ADAMTS9: variants seen among roughly 807,000 people sequenced by gnomAD.
ADAMTS9 encodes ADAM metallopeptidase with thrombospondin type 1 motif 9, also known as A disintegrin and metalloproteinase with thrombospondin motifs 9.
Under a neutral mutation model 257.1 loss-of-function variants are expected in ADAMTS9, and 107 were observed. That is an observed-to-expected ratio of 0.42 (90% CI 0.36 to 0.49). ADAMTS9 has a LOEUF of 0.49. Ranked by LOEUF, ADAMTS9 falls within the 20% of genes least tolerant of loss-of-function variation. The pLI, the probability that ADAMTS9 is intolerant of heterozygous loss-of-function variation, is 0.03. For missense variants in ADAMTS9, 2,353 were observed against 2,469.1 expected (o/e 0.95, Z 1.00); for synonymous variants, 982 against 880.9 (o/e 1.11, Z -2.03).
chr3:64,548,699 A>G (rs2083233129), intron 31 of ADAMTS9, among the ~76,000 whole-genome samples: 1 of 152,184 alleles, frequency 6.6e-6, no homozygotes, highest in Non-Finnish European at 1.5e-5. Flanking sequence ...AGAAGCTGGC[A>G]AGAACAGATG....
intron 39 of ADAMTS9, among the ~76,000 whole-genome samples, chr3:64,520,083 G>A (rs2082830352): frequency 6.6e-6 from 1 of 152,052 alleles, no homozygotes; most frequent in African/African-American, 2.4e-5. Flanking sequence ...CCTGAAAAAT[G>A]ACTTCAGTAA....
rs2083426911 is a variant in ADAMTS9 at position 64,561,719 on chromosome 3, C to G, written c.4557G>C (p.Gln1519His). 6.2e-7 allele frequency: 1 copy of G among 1,610,452 alleles called. No homozygotes were observed. The change falls in exon 30 of 40, where the codon CAG (glutamine) becomes CAC (histidine). Residue 1519 changes from glutamine (Q) to histidine (H), a missense_variant. Coordinates refer to ENST00000498707, the MANE Select transcript of ADAMTS9 (RefSeq NM_182920.2). ...TTCCGATCTGACAGCCCACATGCCT[C>G]TGCTGTACGCCTCGGCCACAGGACA... is the stretch of plus-strand genomic sequence containing the variant. ...CSVSCGRGVQ[Q>H]RHVGCQIGTH...
In ADAMTS9 at chr3:64,687,904, A is replaced by C. The variant is rs1701963714; in HGVS notation, c.-247T>G. ...GAGGAGCCGGAGGAGCAGGAGGAGG[A>C]GGAGGACTGGGGCTCGGCTGCTTGG... is the stretch of plus-strand genomic sequence containing the variant. On this transcript the variant is annotated 5_prime_UTR_variant, in exon 1 of 40. Coordinates refer to ENST00000498707, the MANE Select transcript of ADAMTS9 (RefSeq NM_182920.2). This position sits in a 1 kb window ranked among gnomAD's most constrained non-coding sequence, Gnocchi z 4.4. 2.7e-6 allele frequency: 1 copy of C among 376,520 alleles called. No homozygotes were observed. Among genetic ancestry groups the C allele is most frequent in the African/African-American group, 2.1e-5 (1 of 47,048 alleles). 23.3% of individuals were successfully genotyped at this position (376,520 alleles called of 1,614,324 possible).
intron 3 of ADAMTS9, among the ~76,000 whole-genome samples, chr3:64,675,027 A>C (rs1701592629): frequency 6.6e-6 from 1 of 152,180 alleles, no homozygotes; most frequent in Non-Finnish European, 1.5e-5. Flanking sequence ...CAAATTCCAG[A>C]CAGGCATTTA....
At chr3:64,564,691 C>T (rs1377720924) in intron 29 of ADAMTS9, among the ~76,000 whole-genome samples, 2 of 151,488 alleles carry the variant, frequency 1.3e-5, no homozygotes, top group Admixed American at 1.3e-4. Flanking sequence ...GATGCTAGTT[C>T]CCCCTTATTC....
Position 64,686,949 on chromosome 3 carries a change from C to T in ADAMTS9, c.135G>A (p.Leu45=). ...TGGGAGACACGATTTCGTATTCGCT[C>T]AGGGTCTCTAATAATTTCACTGCGG... is the stretch of plus-strand genomic sequence containing the variant. ...HPRQVKLLET[L]SEYEIVSPIR... The change falls in exon 2 of 40, where the codon CTG becomes CTA. Residue 45 remains leucine (L), a synonymous_variant. Transcript: ENST00000498707. The surrounding 1 kb of genome is among the most constrained non-coding windows in gnomAD (Gnocchi z 4.6). 3 of 1,613,948 alleles carry T rather than the reference C, an allele frequency of 1.9e-6. No individual in the cohort carries two copies. Among genetic ancestry groups the T allele is most frequent in the Non-Finnish European group, 2.5e-6 (3 of 1,179,868 alleles).
chr3:64,552,385 T>C (rs2083281101), intron 30 of ADAMTS9, among the ~76,000 whole-genome samples: 1 of 152,160 alleles, frequency 6.6e-6, no homozygotes, highest in Non-Finnish European at 1.5e-5. Context: ...GCCTATTGTA[T>C]CTAAAGCCTC....
chr3:64,606,878 AT>A, intron 23 of ADAMTS9, 81 bp downstream of exon 23: 1 of 1,560,420 alleles, frequency 6.4e-7, no homozygotes, highest in Non-Finnish European at 8.7e-7. Flanking sequence ...CTATGAAAGG[AT>A]TTCAATTTTG....
Position 64,616,011 on chromosome 3 carries a change from T to C in ADAMTS9, c.2973A>G (p.Lys991=), listed in dbSNP as rs764104263. 3.1e-6 allele frequency: 5 copies of C among 1,613,934 alleles called. No individual in the cohort carries two copies. Among genetic ancestry groups the C allele is most frequent in the Non-Finnish European group, 4.2e-6 (5 of 1,179,962 alleles). The change falls in exon 20 of 40, where the codon AAA becomes AAG. Residue 991 remains lysine, a synonymous_variant. Coordinates refer to ENST00000498707, the MANE Select transcript of ADAMTS9 (RefSeq NM_182920.2). ...CACCCGTGTTACATTCCCCTGAGCATTTTTCACGGTTGCTTGGTTTGGGAT... is the reference window on the plus strand; with the variant it reads ...CACCCGTGTTACATTCCCCTGAGCACTTTTCACGGTTGCTTGGTTTGGGAT... ...SSHPKPSNRE[K]CSGECNTGGW... is the part of the protein sequence containing the mutation.
At position 64,539,078 on chromosome 3, in the gene ADAMTS9, T is replaced by C. The variant is rs182683841; in HGVS notation, c.5613+125A>G. On this transcript the variant is annotated intron_variant, in intron 37 of 39. Transcript: ENST00000498707. ...GAGCATTTGAGAGGGTCTTGATACA[T>C]GTGGCCAAACTGCCCTCTAGAGCAA... 313 of 892,214 alleles carry C rather than the reference T, an allele frequency of 3.5e-4. No individual in the cohort carries two copies. The African/African-American group carries it at 4.6e-3, about 13-fold the overall frequency. The allele number at this position is 892,214 out of a possible 1,614,324, so 55.3% of individuals were successfully genotyped here. A position where few individuals can be genotyped will look rare whatever the true frequency, so the allele number is the denominator to read the frequency against.
chr3:64,609,553 T>C (rs2084627208), intron 22 of ADAMTS9, among the ~76,000 whole-genome samples: 1 of 151,588 alleles, frequency 6.6e-6, no homozygotes, highest in Non-Finnish European at 1.5e-5. Flanking sequence ...AAGAATGAAA[T>C]ACCTAGGAAC....
chr3:64,550,637 T>C (rs1257537950), intron 31 of ADAMTS9: 2 of 468,148 alleles, frequency 4.3e-6, no homozygotes, highest in African/African-American at 1.9e-5. Flanking sequence ...TTTATGCCAA[T>C]AGGACATCAA....
At chr3:64,588,854 A>G (rs1432206320) in intron 28 of ADAMTS9, 1 of 152,232 alleles carries the variant, frequency 6.6e-6, no homozygotes, top group Non-Finnish European at 1.5e-5. Context: ...GATGCAGGCA[A>G]GTATTTTGAT....
intron 12 of ADAMTS9, among the ~76,000 whole-genome samples, chr3:64,635,253 A>G (rs9836718): frequency 0.21 from 32,418 of 152,030 alleles, 4,004 homozygotes; most frequent in Non-Finnish European, 0.27. Flanking sequence ...AAGATTTGCA[A>G]CATGAAGTAA....
intron 32 of ADAMTS9, among the ~76,000 whole-genome samples, chr3:64,545,850 C>T (rs947942287): frequency 6.6e-6 from 1 of 152,146 alleles, no homozygotes; most frequent in African/African-American, 2.4e-5. Context: ...CCGACCATGG[C>T]CTCTCAAAGT....
At chr3:64,649,256 T>C (rs1700871529) in intron 10 of ADAMTS9, among the ~76,000 whole-genome samples, 1 of 151,814 alleles carries the variant, frequency 6.6e-6, no homozygotes, top group Non-Finnish European at 1.5e-5. Flanking sequence ...TCTAGAAGAG[T>C]CCCTATAATT....
intron 38 of ADAMTS9, among the ~76,000 whole-genome samples, chr3:64,531,237 A>G (rs1196116213): frequency 6.6e-6 from 1 of 152,160 alleles, no homozygotes; most frequent in African/African-American, 2.4e-5. Context: ...GAATGTCCCA[A>G]TTGGACGTTT....
chr3:64,530,472 C>G (rs2082965243), intron 38 of ADAMTS9, among the ~76,000 whole-genome samples: 1 of 149,726 alleles, frequency 6.7e-6, no homozygotes, highest in African/African-American at 2.5e-5. Flanking sequence ...TCGACAGGCC[C>G]TGGAGATTAA....
chr3:64,672,293 T>C (rs984237765), intron 3 of ADAMTS9, among the ~76,000 whole-genome samples: 4 of 152,160 alleles, frequency 2.6e-5, no homozygotes, highest in African/African-American at 9.7e-5. Context: ...ATCCCTAAAA[T>C]ATGATTAGCA....
Sources: allele counts gnomAD v4.1 joint callset (sites outside exome capture counted in the v4.1 genomes callset), GRCh38; gene constraint gnomAD v4.1.1; non-coding constraint Gnocchi (gnomAD v3.1); transcripts MANE v1.5; gene names NCBI Gene and HGNC (gene_info 2026-07-23, HGNC 2026-07-21).